SLC44A5: variants seen among roughly 807,000 people sequenced by gnomAD.
SLC44A5 encodes the protein choline transporter-like protein 5.
A neutral mutation model predicts 101.8 loss-of-function variants in SLC44A5; 57 were observed. The observed-to-expected ratio is 0.56, with a 90% CI of 0.45 to 0.70. The LOEUF (loss-of-function observed/expected upper bound fraction) is 0.70. Ranked by LOEUF, SLC44A5 falls within the 30% of genes least tolerant of loss-of-function variation. The pLI, the probability that SLC44A5 is intolerant of heterozygous loss-of-function variation, is 0.00. For synonymous variants in SLC44A5, 281 were observed against 290.9 expected (o/e 0.97, Z 0.35); for missense variants, 737 against 853.1 (o/e 0.86, Z 1.70).
In SLC44A5 at chr1:75,378,104, G is replaced by A. The variant is rs543306550; in HGVS notation, c.52+18479C>T. Among the ~76,000 whole-genome samples the A allele has an allele frequency of 3.1e-3, 254 of 81,820 alleles. 83 individuals carry two copies. Among genetic ancestry groups the A allele is most frequent in the African/African-American group, 5.7e-3 (71 of 12,534 alleles). 53.7% of individuals were successfully genotyped at this position (81,820 alleles called of 152,430 possible). The stretch of plus-strand genomic sequence containing the variant: ...CTCTAGGGTGAAGGTACGCTCGAGC[G>A]TGGTCATTGAGGACAAGTCGACGAG... On this transcript the variant is annotated intron_variant, in intron 3 of 23. Coordinates refer to ENST00000370859, the MANE Select transcript of SLC44A5 (RefSeq NM_001130058.2).
At chr1:75,472,114 G>A (rs1667146470) in intron 2 of SLC44A5, among the ~76,000 whole-genome samples, 1 of 151,034 alleles carries the variant, frequency 6.6e-6, no homozygotes, top group African/African-American at 2.4e-5. Context: ...TGGGGCCTGG[G>A]TGTTTATTCT....
At chr1:75,610,567 G>C (rs1045608418) in intron 1 of SLC44A5, among the ~76,000 whole-genome samples, 3 of 152,122 alleles carry the variant, frequency 2.0e-5, no homozygotes, top group Non-Finnish European at 4.4e-5. Flanking sequence ...AAGCCATAGT[G>C]TATGTCTTTA....
At chr1:75,445,552 T>C (rs1665519653) in intron 2 of SLC44A5, among the ~76,000 whole-genome samples, 1 of 149,354 alleles carries the variant, frequency 6.7e-6, no homozygotes, top group Non-Finnish European at 1.5e-5. Flanking sequence ...TACATATATA[T>C]GTATAAATTA....
At chr1:75,512,394 A>C (rs1223993898) in intron 2 of SLC44A5, among the ~76,000 whole-genome samples, 1 of 152,224 alleles carries the variant, frequency 6.6e-6, no homozygotes, top group Non-Finnish European at 1.5e-5. Context: ...AACTAGAATG[A>C]CTGACTATGC....
At chr1:75,323,635 A>G (rs1385205802) in intron 4 of SLC44A5, among the ~76,000 whole-genome samples, 2 of 152,218 alleles carry the variant, frequency 1.3e-5, no homozygotes, top group Non-Finnish European at 2.9e-5. Context: ...TATTTCAACA[A>G]AAGTATTAAA....
intron 14 of SLC44A5, among the ~76,000 whole-genome samples, chr1:75,220,930 C>T (rs895710890): frequency 5.9e-5 from 9 of 152,158 alleles, no homozygotes; most frequent in African/African-American, 2.2e-4. Context: ...TTATTTCAGT[C>T]CTTATTACCC....
intron 2 of SLC44A5, among the ~76,000 whole-genome samples, chr1:75,430,070 A>T (rs1664526431): frequency 6.6e-6 from 1 of 152,180 alleles, no homozygotes; most frequent in Non-Finnish European, 1.5e-5. Flanking sequence ...TGTGGTCTGA[A>T]TGTGTCCCCC....
chr1:75,536,106 G>C (rs1670984672), intron 2 of SLC44A5, among the ~76,000 whole-genome samples: 1 of 151,590 alleles, frequency 6.6e-6, no homozygotes, highest in Non-Finnish European at 1.5e-5. Flanking sequence ...CGAAACAGTA[G>C]GTAGAAAATA....
chr1:75,248,209 T>C (rs1338797508), intron 7 of SLC44A5, among the ~76,000 whole-genome samples: 8 of 152,070 alleles, frequency 5.3e-5, no homozygotes, highest in Admixed American at 3.9e-4. Context: ...GGTGGAATTA[T>C]AGTTTTGAAT....
chr1:75,681,376 G>A, the SLC44A5 span, among the ~76,000 whole-genome samples: 24 of 151,902 alleles, frequency 1.6e-4, no homozygotes, highest in Admixed American at 2.0e-4. Context: ...CTGGCAAACC[G>A]AATCCAGCAG....
At chr1:75,616,368 C>T in the SLC44A5 span, among the ~76,000 whole-genome samples, 1 of 152,200 alleles carries the variant, frequency 6.6e-6, no homozygotes, top group Admixed American at 6.5e-5. Context: ...TGCTGGGGGG[C>T]GCGGAGAGAC....
At chr1:75,676,479 A>C in the SLC44A5 span, among the ~76,000 whole-genome samples, 1 of 152,178 alleles carries the variant, frequency 6.6e-6, no homozygotes, top group Non-Finnish European at 1.5e-5. Context: ...GCATGTTCCC[A>C]CTTATCAGTG....
intron 2 of SLC44A5, among the ~76,000 whole-genome samples, chr1:75,507,182 G>C (rs1669308387): frequency 6.6e-6 from 1 of 152,008 alleles, no homozygotes; most frequent in Non-Finnish European, 1.5e-5. Context: ...TTGGCAATGG[G>C]TTTATCACAG....
chr1:75,623,796 A>T, the SLC44A5 span, among the ~76,000 whole-genome samples: 1 of 152,158 alleles, frequency 6.6e-6, no homozygotes, highest in African/African-American at 2.4e-5. Flanking sequence ...ATAGCTATAG[A>T]ACTGGTTGAG....
chr1:75,394,709 C>T (rs575855349), intron 3 of SLC44A5, among the ~76,000 whole-genome samples: 1 of 152,178 alleles, frequency 6.6e-6, no homozygotes, highest in South Asian at 2.1e-4. Context: ...AAGCTTACCC[C>T]CATTGTTAGC....
At chr1:75,272,804 G>A (rs1428675861) in intron 6 of SLC44A5, among the ~76,000 whole-genome samples, 1 of 152,138 alleles carries the variant, frequency 6.6e-6, no homozygotes, top group Non-Finnish European at 1.5e-5. Flanking sequence ...TTAAAGTACA[G>A]TTTGAAGTCA....
rs148503836 is a variant in SLC44A5 at position 75,501,731 on chromosome 1, A to G, written c.13+39704T>C. ...GGACATCTGAAATAGTTTACACTCC[A>G]GGTTCTTACACAGAGGCTTCTTGCT... On this transcript the variant is annotated intron_variant, in intron 2 of 23. Transcript: ENST00000370859. Among the ~76,000 whole-genome samples, 161 of 152,314 alleles carry G rather than the reference A, an allele frequency of 1.1e-3. 1 individual carries two copies. Among genetic ancestry groups the G allele is most frequent in the Non-Finnish European group, 1.9e-3 (131 of 68,024 alleles).
chr1:75,532,528 C>A (rs949315136), intron 2 of SLC44A5, among the ~76,000 whole-genome samples: 14 of 152,298 alleles, frequency 9.2e-5, no homozygotes, highest in African/African-American at 3.4e-4. Context: ...AAAATTGCCA[C>A]CCACCCCTAC....
At chr1:75,592,001 T>G (rs2102112852) in intron 1 of SLC44A5, among the ~76,000 whole-genome samples, 1 of 152,272 alleles carries the variant, frequency 6.6e-6, no homozygotes, top group African/African-American at 2.4e-5. Flanking sequence ...AACACTGTTA[T>G]TCAACATAGT....
Sources: gnomAD v4.1 joint callset for allele counts (sites outside exome capture counted in the v4.1 genomes callset) on GRCh38, gnomAD v4.1.1 for gene constraint, MANE v1.5 for transcripts, NCBI Gene and HGNC (gene_info 2026-07-23, HGNC 2026-07-21) for gene names.